The following DOCK1 variants were observed in gnomAD, a reference collection of about 807,000 sequenced individuals.
DOCK1 encodes the protein dedicator of cytokinesis protein 1.
In DOCK1, 138 loss-of-function variants were observed where a neutral mutation model predicts 262.7. The observed-to-expected ratio is 0.53, with a 90% CI of 0.46 to 0.61. The LOEUF is 0.61. DOCK1 is among the 20% of genes least tolerant of loss of function. The pLI is 0.00. For synonymous variants in DOCK1, 866 were observed against 867.4 expected (o/e 1.00, Z 0.03); for missense variants, 1,908 against 2,370.7 (o/e 0.80, Z 4.05).
At position 126,990,881 on chromosome 10, in the gene DOCK1, A is replaced by G. The variant is rs189381564; in HGVS notation, c.473+278A>G. On this transcript the variant is annotated intron_variant, in intron 6 of 51. Transcript: ENST00000623213. ...TCACCGTTCTGGAGGGAACCCCATC[A>G]TTACTCCCCTAGCAAGGAACTTTTA... Among the ~76,000 whole-genome samples the G allele has an allele frequency of 2.0e-5, 3 of 152,238 alleles. No individual in the cohort carries two copies. The East Asian group carries it at 5.8e-4, about 29-fold the overall frequency.
In DOCK1 at chr10:127,199,175, A is replaced by G. The variant is rs557122061; in HGVS notation, c.2848-48833A>G. ...TAGACTTGCAAAGGAGAAAATAGCTACTTTTCAAGTGGGATTTCCTAAAAG... is the reference window on the plus strand; with the variant it reads ...TAGACTTGCAAAGGAGAAAATAGCTGCTTTTCAAGTGGGATTTCCTAAAAG... On this transcript the variant is annotated intron_variant, in intron 27 of 51. Coordinates refer to ENST00000623213, the MANE Select transcript of DOCK1 (RefSeq NM_001290223.2). Among the ~76,000 whole-genome samples the G allele has an allele frequency of 3.3e-5, 5 of 152,316 alleles. No individual in the cohort carries two copies. The East Asian group carries it at 7.7e-4, about 24-fold the overall frequency.
chr10:126,970,653 C>T, intron 1 of DOCK1, 49 bp from the exon 2 acceptor site: 1 of 1,447,332 alleles, frequency 6.9e-7, no homozygotes, highest in Admixed American at 1.7e-5. Context: ...TCAGCATGGT[C>T]ACTTCTATCT....
intron 27 of DOCK1, among the ~76,000 whole-genome samples, chr10:127,222,384 A>G (rs1590005799): frequency 6.6e-6 from 1 of 152,240 alleles, no homozygotes; most frequent in Middle Eastern, 3.4e-3. Flanking sequence ...CTCTCTCAAT[A>G]TGTTGTAGGA....
At chr10:127,338,879 A>G (rs1300843867) in intron 29 of DOCK1, 127 bp from the exon 30 acceptor site, 1 of 747,050 alleles carries the variant, frequency 1.3e-6, no homozygotes, top group Non-Finnish European at 2.1e-6. Flanking sequence ...AAAACCTCAC[A>G]GCTTTGCGCA....
Position 127,384,798 on chromosome 10 carries a change from G to A in DOCK1, c.3816G>A (p.Glu1272=), listed in dbSNP as rs1446707991. The A allele has an allele frequency of 6.3e-7, 1 of 1,585,798 alleles. No individual in the cohort carries two copies. The highest frequency in any genetic ancestry group is 1.2e-5 in the South Asian group (1 of 86,008). Residue 1272 remains glutamate (E), a synonymous_variant, in exon 38 of 52, where the codon GAG becomes GAA. Coordinates refer to ENST00000623213, the MANE Select transcript of DOCK1 (RefSeq NM_001290223.2). ...LLHAKLLKWS[E]DVCVAHLTQR... The stretch of plus-strand genomic sequence containing the variant: ...CTATGCTTCTCCCTTAGTGGTCGGA[G>A]GATGTGTGTGTGGCCCACCTCACCC...
chr10:127,162,848 T>C (rs920849946), intron 27 of DOCK1, among the ~76,000 whole-genome samples: 16 of 152,260 alleles, frequency 1.1e-4, no homozygotes, highest in Admixed American at 1.0e-3. Flanking sequence ...AACAGTTGCT[T>C]GGAAGAATAA....
intron 31 of DOCK1, among the ~76,000 whole-genome samples, chr10:127,345,097 G>A (rs1295300562): frequency 6.6e-6 from 1 of 152,188 alleles, no homozygotes; most frequent in Non-Finnish European, 1.5e-5. Flanking sequence ...TGTGTAGTAG[G>A]CTGTAGTATC....
intron 4 of DOCK1, 83 bp downstream of exon 4, chr10:126,982,056 G>T: frequency 6.8e-7 from 1 of 1,460,506 alleles, no homozygotes; most frequent in South Asian, 1.2e-5. Flanking sequence ...GGCGTAATAT[G>T]AGAGGGTCAA....
At chr10:127,028,823 G>A (rs1252646940) in intron 16 of DOCK1, among the ~76,000 whole-genome samples, 2 of 152,182 alleles carry the variant, frequency 1.3e-5, no homozygotes, top group African/African-American at 4.8e-5. Flanking sequence ...GGGCACAGGT[G>A]TGTCCTCGAC....
intron 27 of DOCK1, among the ~76,000 whole-genome samples, chr10:127,214,894 T>C (rs1207072536): frequency 2.0e-5 from 3 of 152,202 alleles, no homozygotes; most frequent in African/African-American, 7.2e-5. Flanking sequence ...ATATTGTCAT[T>C]TTAAACATAT....
At chr10:127,234,480 A>T (rs1239513366) in intron 27 of DOCK1, among the ~76,000 whole-genome samples, 1 of 152,172 alleles carries the variant, frequency 6.6e-6, no homozygotes, top group African/African-American at 2.4e-5. Flanking sequence ...TATGATGAAA[A>T]CCACAAAACA....
chr10:127,190,813 T>G (rs1270969265), intron 27 of DOCK1, among the ~76,000 whole-genome samples: 2 of 151,678 alleles, frequency 1.3e-5, no homozygotes, highest in African/African-American at 2.4e-5. Context: ...AAGGTTTTAC[T>G]CATAGCTGCC....
chr10:126,989,291 T>G (rs543989263), intron 5 of DOCK1, among the ~76,000 whole-genome samples: 25 of 152,188 alleles, frequency 1.6e-4, no homozygotes, highest in African/African-American at 6.0e-4. Flanking sequence ...TGAACAAATT[T>G]AATGTTTTAA....
At position 127,205,645 on chromosome 10, in the gene DOCK1, C is replaced by T. The variant is rs117104324; in HGVS notation, c.2848-42363C>T. 4.5e-3 allele frequency among the ~76,000 whole-genome samples: 681 copies of T among 152,268 alleles called. 3 individuals carry two copies. Among genetic ancestry groups the T allele is most frequent in the Non-Finnish European group, 7.5e-3 (508 of 68,024 alleles). ...GTTCCTTGTTGGACTTTTGCTTCTT[C>T]GATGACAATACATATTTTGTTAGTA... On this transcript the variant is annotated intron_variant, in intron 27 of 51. Coordinates refer to ENST00000623213, the MANE Select transcript of DOCK1 (RefSeq NM_001290223.2).
chr10:127,385,175 C>CT (rs2066040737), intron 38 of DOCK1, among the ~76,000 whole-genome samples: 1 of 152,178 alleles, frequency 6.6e-6, no homozygotes, highest in South Asian at 2.1e-4. Flanking sequence ...GTCTGGAACA[C>CT]TGATTCGGAG....
intron 27 of DOCK1, among the ~76,000 whole-genome samples, chr10:127,212,343 A>G (rs1283449487): frequency 1.3e-5 from 2 of 152,190 alleles, no homozygotes; most frequent in Non-Finnish European, 2.9e-5. Context: ...TATCAAGAAA[A>G]GTGAGACTTT....
intron 29 of DOCK1, among the ~76,000 whole-genome samples, chr10:127,333,149 C>T (rs1397600434): frequency 6.6e-6 from 1 of 152,184 alleles, no homozygotes; most frequent in Non-Finnish European, 1.5e-5. Flanking sequence ...ATCGTCTCCA[C>T]CCCCAAAGCA....
At position 127,006,474 on chromosome 10, in the gene DOCK1, G is replaced by A. The variant is rs545419587; in HGVS notation, c.986-2258G>A. ...TGTAGAGACCCTGGGCTGGCTGGCTGGGGGAATTTTTCCCCCAAGTCCTTT... is the reference window on the plus strand; with the variant it reads ...TGTAGAGACCCTGGGCTGGCTGGCTAGGGGAATTTTTCCCCCAAGTCCTTT... On this transcript the variant is annotated intron_variant, in intron 10 of 51. Transcript: ENST00000623213. Among the ~76,000 whole-genome samples, 7 of 152,320 alleles carry A rather than the reference G, an allele frequency of 4.6e-5. 1 individual carries two copies. In the South Asian group the frequency reaches 1.5e-3, roughly 32 times the overall value.
intron 27 of DOCK1, among the ~76,000 whole-genome samples, chr10:127,161,210 A>G (rs1038206183): frequency 2.6e-5 from 4 of 152,216 alleles, no homozygotes; most frequent in African/African-American, 9.6e-5. Context: ...ATACTCATGG[A>G]AACGCAAGTA....
Sources: allele counts gnomAD v4.1 joint callset (sites outside exome capture counted in the v4.1 genomes callset), GRCh38; gene constraint gnomAD v4.1.1; transcripts MANE v1.5; gene names NCBI Gene and HGNC (gene_info 2026-07-23, HGNC 2026-07-21).